Variants in KCNAB1 observed in about 807,000 individuals in gnomAD.
KCNAB1 encodes the protein voltage-gated potassium channel subunit beta-1.
KCNAB1 carries 35 observed loss-of-function variants against 64.6 expected under a neutral mutation model. The ratio of observed to expected loss-of-function variants is 0.54; its 90% CI spans 0.41 to 0.72. The LOEUF is 0.72. Among genes scored for constraint, KCNAB1 ranks in the 30% least tolerant of loss-of-function variants. KCNAB1 has a pLI of 0.00. For synonymous variants in KCNAB1, 177 were observed against 183.8 expected, an observed-to-expected ratio of 0.96 and a Z score of 0.30; for missense variants, 401 against 512.9, an observed-to-expected ratio of 0.78 and a Z score of 2.11.
chr3:156,257,890 C>T (rs1055251436), intron 1 of KCNAB1, among the ~76,000 whole-genome samples: 10 of 152,174 alleles, frequency 6.6e-5, no homozygotes, highest in African/African-American at 2.4e-4. Flanking sequence ...GACCAAGTAG[C>T]TGAATCACTG....
In KCNAB1 at chr3:156,507,359, A is replaced by C. The variant is rs530691618; in HGVS notation, c.659-7005A>C. On this transcript the variant is annotated intron_variant, in intron 8 of 13. Transcript: ENST00000490337. Reference sequence around the variant, plus strand: ...AGTGACTGTGATGGGACCAAAAAAAAACAATGTCTCCTGCATCCTAATACA... The same window carrying C: ...AGTGACTGTGATGGGACCAAAAAAACACAATGTCTCCTGCATCCTAATACA... 3.9e-5 allele frequency among the ~76,000 whole-genome samples: 6 copies of C among 152,362 alleles called. No homozygotes were observed. The East Asian group carries it at 1.2e-3, about 29-fold the overall frequency.
At chr3:156,222,757 G>A (rs577700122) in intron 1 of KCNAB1, among the ~76,000 whole-genome samples, 1 of 152,170 alleles carries the variant, frequency 6.6e-6, no homozygotes, top group Non-Finnish European at 1.5e-5. Context: ...GAATAAAATT[G>A]GAAATCAACT....
At chr3:156,420,272 G>A (rs1298689734) in intron 1 of KCNAB1, among the ~76,000 whole-genome samples, 1 of 152,214 alleles carries the variant, frequency 6.6e-6, no homozygotes, top group Non-Finnish European at 1.5e-5. Flanking sequence ...TCTTCCAAAT[G>A]AAGAAACTCA....
Position 156,469,849 on chromosome 3 carries a change from C to T in KCNAB1, c.571+4163C>T, listed in dbSNP as rs561541048. On this transcript the variant is annotated intron_variant, in intron 7 of 13. Transcript: ENST00000490337. ...GAATTGAGTGAGTTTTGCAGAAAAG[C>T]AAGGACATGAGATGAGACCCAAAAT... is the stretch of plus-strand genomic sequence containing the variant. 1.3e-3 allele frequency among the ~76,000 whole-genome samples: 191 copies of T among 152,248 alleles called. 2 individuals carry two copies. Among genetic ancestry groups the T allele is most frequent in the African/African-American group, 4.4e-3 (183 of 41,542 alleles).
At chr3:156,217,441 T>C (rs968977329) in intron 1 of KCNAB1, among the ~76,000 whole-genome samples, 5 of 152,194 alleles carry the variant, frequency 3.3e-5, no homozygotes, top group African/African-American at 1.2e-4. Context: ...TTTCCCTAGT[T>C]TTAAAAATGA....
chr3:156,408,869 AAG>A (rs769474398), intron 1 of KCNAB1, among the ~76,000 whole-genome samples: 43 of 152,344 alleles, frequency 2.8e-4, no homozygotes, highest in Non-Finnish European at 3.4e-4. Context: ...TTAAGTGAAA[AAG>A]AAAAAATATA....
intron 1 of KCNAB1, among the ~76,000 whole-genome samples, chr3:156,183,000 C>G (rs777655861): frequency 3.1e-4 from 47 of 152,136 alleles, no homozygotes; most frequent in Middle Eastern, 3.2e-3. Context: ...GCCCAGCCGA[C>G]AGTTTCATTC....
At chr3:156,515,066 G>C (rs772196936) in intron 9 of KCNAB1, 34 bp from the exon 10 acceptor site, 5 of 1,574,760 alleles carry the variant, frequency 3.2e-6, no homozygotes, top group Non-Finnish European at 4.3e-6. Context: ...TTTCTCATCA[G>C]TATAAATTTG....
chr3:156,428,877 C>T (rs1716020000), intron 2 of KCNAB1, among the ~76,000 whole-genome samples: 1 of 152,276 alleles, frequency 6.6e-6, no homozygotes, highest in Admixed American at 6.5e-5. Flanking sequence ...CCCTGTTTCA[C>T]ACATCCTCAA....
At chr3:156,154,390 C>A (rs1208907888) in intron 1 of KCNAB1, among the ~76,000 whole-genome samples, 1 of 152,164 alleles carries the variant, frequency 6.6e-6, no homozygotes, top group Non-Finnish European at 1.5e-5. Context: ...TTTCGCCTTT[C>A]CATCTTATTA....
At chr3:156,346,309 A>T (rs1237583732) in intron 1 of KCNAB1, among the ~76,000 whole-genome samples, 1 of 152,176 alleles carries the variant, frequency 6.6e-6, no homozygotes, top group Admixed American at 6.5e-5. Context: ...ATTTGTATGT[A>T]TGAAGTACTG....
At chr3:156,134,424 C>T (rs1004889045) in intron 1 of KCNAB1, among the ~76,000 whole-genome samples, 1 of 152,218 alleles carries the variant, frequency 6.6e-6, no homozygotes, top group Non-Finnish European at 1.5e-5. Flanking sequence ...GAAATCCAGT[C>T]GTGTTCAAAT....
chr3:156,294,787 C>T (rs1290753354), intron 1 of KCNAB1, among the ~76,000 whole-genome samples: 2 of 152,110 alleles, frequency 1.3e-5, no homozygotes, highest in African/African-American at 2.4e-5. Context: ...AAGGGGATCC[C>T]TAAATCCAAC....
chr3:156,384,729 C>T (rs975960673), intron 1 of KCNAB1, among the ~76,000 whole-genome samples: 3 of 152,130 alleles, frequency 2.0e-5, no homozygotes, highest in African/African-American at 7.2e-5. Flanking sequence ...GCACAGGAAC[C>T]GCATCAGAAC....
At chr3:156,408,078 G>A (rs185662481) in intron 1 of KCNAB1, among the ~76,000 whole-genome samples, 89 of 152,090 alleles carry the variant, frequency 5.9e-4, no homozygotes, top group African/African-American at 1.8e-3. Flanking sequence ...CGGTGGTGGC[G>A]GGACACGGAA....
intron 1 of KCNAB1, among the ~76,000 whole-genome samples, chr3:156,398,272 T>C (rs1713615651): frequency 6.6e-6 from 1 of 151,898 alleles, no homozygotes; most frequent in African/African-American, 2.4e-5. Flanking sequence ...CTAGGACAAA[T>C]ACCTAATGCA....
chr3:156,349,683 C>T (rs1724727738), intron 1 of KCNAB1, among the ~76,000 whole-genome samples: 1 of 152,114 alleles, frequency 6.6e-6, no homozygotes, highest in African/African-American at 2.4e-5. Context: ...ACCTCAGCCT[C>T]CTGAGTAGCT....
chr3:156,389,137 A>T (rs1351704154), intron 1 of KCNAB1, among the ~76,000 whole-genome samples: 2 of 152,080 alleles, frequency 1.3e-5, no homozygotes, highest in African/African-American at 2.4e-5. Flanking sequence ...ATGACAAGCG[A>T]GGTCTTTGTA....
At chr3:156,273,960 A>T (rs1199157705) in intron 1 of KCNAB1, among the ~76,000 whole-genome samples, 1 of 152,180 alleles carries the variant, frequency 6.6e-6, no homozygotes, top group East Asian at 1.9e-4. Context: ...TGTACTCCCC[A>T]GGTAAGAAGT....
Sources: gnomAD v4.1 joint callset for allele counts (sites outside exome capture counted in the v4.1 genomes callset) on GRCh38, gnomAD v4.1.1 for gene constraint, MANE v1.5 for transcripts, NCBI Gene and HGNC (gene_info 2026-07-23, HGNC 2026-07-21) for gene names.